TUBA4B: variants seen among roughly 807,000 people sequenced by gnomAD.
TUBA4B encodes the protein tubulin alpha 4b.
Under a neutral mutation model 18.4 loss-of-function variants are expected in TUBA4B, and 13 were observed. The observed-to-expected ratio is 0.71, with a 90% CI of 0.46 to 1.12. The LOEUF is 1.12. TUBA4B is among the 50% of genes most tolerant of loss of function. The pLI, the probability that TUBA4B is intolerant of heterozygous loss-of-function variation, is 0.00. For synonymous variants in TUBA4B, 101 were observed against 99.1 expected (o/e 1.02, Z -0.11); for missense variants, 244 against 250.0 (o/e 0.98, Z 0.16).
chr2:219,265,698 T>G (rs1951785592), intron 1 of TUBA4B, among the ~76,000 whole-genome samples: 1 of 152,134 alleles, frequency 6.6e-6, no homozygotes, highest in African/African-American at 2.4e-5. Flanking sequence ...CCTTTTTATT[T>G]CAGAATTTTG....
chr2:219,259,405 G>C (rs527860300), intron 1 of TUBA4B, among the ~76,000 whole-genome samples: 2 of 151,062 alleles, frequency 1.3e-5, no homozygotes, highest in East Asian at 3.9e-4. Context: ...GTGTGTTTGT[G>C]TGTGTGTGTA....
At chr2:219,267,721 C>T (rs1951799100) in intron 2 of TUBA4B, among the ~76,000 whole-genome samples, 2 of 152,068 alleles carry the variant, frequency 1.3e-5, no homozygotes, top group African/African-American at 2.4e-5. Flanking sequence ...CTTGCCACCA[C>T]ATCTGGCTAA....
At chr2:219,262,565 T>C (rs939720061) in intron 1 of TUBA4B, among the ~76,000 whole-genome samples, 4 of 152,150 alleles carry the variant, frequency 2.6e-5, no homozygotes, top group Admixed American at 2.6e-4. Context: ...GGAGTGCAAG[T>C]GGCATGATCA....
chr2:219,254,116 T>G, intron 1 of TUBA4B: 1 of 405,174 alleles, frequency 2.5e-6, no homozygotes, highest in Non-Finnish European at 4.4e-6. Context: ...GGATTAAGAG[T>G]CGCGATTCGG....
intron 1 of TUBA4B, among the ~76,000 whole-genome samples, chr2:219,256,250 A>T (rs751734919): frequency 6.6e-6 from 1 of 152,226 alleles, no homozygotes; most frequent in African/African-American, 2.4e-5. Context: ...GAATTTAGAG[A>T]TGTACATATT....
intron 1 of TUBA4B, 131 bp downstream of exon 1, chr2:219,253,550 G>T: frequency 1.2e-6 from 1 of 814,944 alleles, no homozygotes; most frequent in Non-Finnish European, 2.0e-6. Flanking sequence ...GCGCGGGCCC[G>T]CGTGACTCTC....
intron 1 of TUBA4B, chr2:219,253,946 T>A: frequency 5.3e-6 from 4 of 754,376 alleles, no homozygotes; most frequent in Non-Finnish European, 7.4e-6. Flanking sequence ...ACCGCCCTTA[T>A]AGGCGGGGGG....
Position 219,254,033 on chromosome 2 carries a change from G to T in TUBA4B, c.12+614G>T, listed in dbSNP as rs529736438. On this transcript the variant is annotated intron_variant, in intron 1 of 3. Coordinates refer to ENST00000490341, the MANE Select transcript of TUBA4B (RefSeq NM_001355221.1). ...GGCCACGCCTCCCGGGAGGGTAAGC[G>T]GCCCCCCCGAGGGGCGGAGCCTGGC... 992 of 592,066 alleles carry T rather than the reference G, an allele frequency of 1.7e-3. 12 individuals are homozygous for T. The African/African-American group carries it at 0.017, about 10-fold the overall frequency. The allele number at this position is 592,066 out of a possible 1,614,324, so 36.7% of individuals were successfully genotyped here.
chr2:219,262,266 G>C (rs912441095), intron 1 of TUBA4B, among the ~76,000 whole-genome samples: 2 of 152,234 alleles, frequency 1.3e-5, no homozygotes, highest in African/African-American at 4.8e-5. Flanking sequence ...AGCTGAGATC[G>C]TGCCACTGCA....
chr2:219,265,497 C>A (rs1372006844), intron 1 of TUBA4B, among the ~76,000 whole-genome samples: 1 of 152,062 alleles, frequency 6.6e-6, no homozygotes, highest in Non-Finnish European at 1.5e-5. Context: ...ATTAGCCAGG[C>A]CTGGTGGCAG....
chr2:219,264,376 C>CT (rs1387017718), intron 1 of TUBA4B, among the ~76,000 whole-genome samples: 5 of 151,184 alleles, frequency 3.3e-5, no homozygotes, highest in Non-Finnish European at 5.9e-5. Context: ...GGGAGAATTG[C>CT]TTGAACCCAA....
intron 1 of TUBA4B, among the ~76,000 whole-genome samples, chr2:219,259,356 T>A (rs1382595382): frequency 6.7e-6 from 1 of 148,966 alleles, no homozygotes; most frequent in Non-Finnish European, 1.5e-5. Flanking sequence ...GCCCAAGGCA[T>A]GTTAGTGAAA....
At chr2:219,261,567 G>A (rs1951759449) in intron 1 of TUBA4B, among the ~76,000 whole-genome samples, 2 of 152,182 alleles carry the variant, frequency 1.3e-5, no homozygotes, top group South Asian at 4.1e-4. Flanking sequence ...TTGGGCAGGG[G>A]CAGGCAAGGC....
intron 2 of TUBA4B, among the ~76,000 whole-genome samples, chr2:219,267,467 C>T (rs868239020): frequency 2.0e-4 from 31 of 152,272 alleles, no homozygotes; most frequent in Non-Finnish European, 3.8e-4. Context: ...TCTCTTTCTA[C>T]AGTCATGAAA....
At chr2:219,266,315 C>T (rs950437145) in intron 1 of TUBA4B, 10 of 562,056 alleles carry the variant, frequency 1.8e-5, no homozygotes, top group African/African-American at 1.5e-4. Context: ...AGCCCTGGCC[C>T]CTCCTCTGCC....
chr2:219,260,778 G>A (rs1951755055), intron 1 of TUBA4B, among the ~76,000 whole-genome samples: 1 of 152,126 alleles, frequency 6.6e-6, no homozygotes, highest in Non-Finnish European at 1.5e-5. Context: ...TTTGAGACCA[G>A]CCTGACCAAC....
chr2:219,263,699 C>A (rs1474499620), intron 1 of TUBA4B, among the ~76,000 whole-genome samples: 9 of 152,198 alleles, frequency 5.9e-5, no homozygotes, highest in Admixed American at 5.9e-4. Context: ...GCTGAGCTTT[C>A]TTATCTTTGA....
chr2:219,259,638 T>C (rs1951747986), intron 1 of TUBA4B, among the ~76,000 whole-genome samples: 1 of 152,178 alleles, frequency 6.6e-6, no homozygotes, highest in African/African-American at 2.4e-5. Flanking sequence ...TCTGGGTCTC[T>C]CTCCCTCTTC....
At chr2:219,258,012 A>C (rs1387247677) in intron 1 of TUBA4B, among the ~76,000 whole-genome samples, 1 of 119,612 alleles carries the variant, frequency 8.4e-6, no homozygotes, top group Non-Finnish European at 1.6e-5. Flanking sequence ...TTTTTGAGAC[A>C]GTCTCTCTGT....
Sources: allele counts gnomAD v4.1 joint callset (sites outside exome capture counted in the v4.1 genomes callset), GRCh38; gene constraint gnomAD v4.1.1; transcripts MANE v1.5; gene names NCBI Gene and HGNC (gene_info 2026-07-23, HGNC 2026-07-21).